PATJ: variants seen among roughly 807,000 people sequenced by gnomAD.
PATJ encodes the protein PATJ crumbs cell polarity complex component.
A neutral mutation model predicts 224.9 loss-of-function variants in PATJ; 190 were observed. The ratio of observed to expected loss-of-function variants is 0.84; its 90% CI spans 0.75 to 0.95. PATJ has a LOEUF of 0.95. Among genes scored for constraint, PATJ ranks in the 40% least tolerant of loss-of-function variants. The probability of loss-of-function intolerance (pLI) is 0.00; values close to 1 mark genes in which losing one functional copy is unlikely to be tolerated. For missense variants in PATJ, 2,121 were observed against 2,270.3 expected, an observed-to-expected ratio of 0.93 and a Z score of 1.34; for synonymous variants, 769 against 820.3, an observed-to-expected ratio of 0.94 and a Z score of 1.07.
At chr1:61,944,214 A>G (rs1009208421) in intron 27 of PATJ, among the ~76,000 whole-genome samples, 1 of 152,206 alleles carries the variant, frequency 6.6e-6, no homozygotes, top group Non-Finnish European at 1.5e-5. Flanking sequence ...AAAGCTGGAC[A>G]GAGAATGACT....
chr1:61,959,865 A>T (rs148736123), intron 27 of PATJ, among the ~76,000 whole-genome samples: 1 of 151,968 alleles, frequency 6.6e-6, no homozygotes, highest in Admixed American at 6.6e-5. Flanking sequence ...TCTACAAAAA[A>T]CTTAAAAATT....
intron 17 of PATJ, among the ~76,000 whole-genome samples, chr1:61,834,235 G>A (rs534202834): frequency 3.3e-5 from 5 of 152,200 alleles, no homozygotes; most frequent in South Asian, 4.1e-4. Context: ...ATTAGCATTC[G>A]TTCCCAATTC....
intron 18 of PATJ, among the ~76,000 whole-genome samples, chr1:61,860,064 C>A (rs1415905462): frequency 6.6e-6 from 1 of 152,058 alleles, no homozygotes; most frequent in Non-Finnish European, 1.5e-5. Context: ...TGTATTAAGT[C>A]TTGTATTTAT....
intron 33 of PATJ, among the ~76,000 whole-genome samples, chr1:62,096,956 C>T (rs1398862042): frequency 1.3e-5 from 2 of 152,132 alleles, no homozygotes; most frequent in African/African-American, 4.8e-5. Flanking sequence ...CCCCTTCAAA[C>T]TTAGTATCTA....
intron 29 of PATJ, among the ~76,000 whole-genome samples, chr1:62,033,275 T>C (rs1649673440): frequency 6.6e-6 from 1 of 152,206 alleles, no homozygotes. Context: ...CAAAGCTATG[T>C]AGTTGAGTTT....
rs1415926794 is a variant in PATJ at position 61,766,286 on chromosome 1, A to G, written c.197A>G (p.His66Arg). ...TTTTTTTCTCTCCAACAGCTCAACCATATACCCTCAGATTGTTCAGCCAAC... is the reference window on the plus strand; with the variant it reads ...TTTTTTTCTCTCCAACAGCTCAACCGTATACCCTCAGATTGTTCAGCCAAC... ...SIKQLKGQLN[H>R]IPSDCSANFD... Residue 66 changes from histidine to arginine, a missense_variant, in exon 4 of 44, where the codon CAT becomes CGT. His to Arg is a conservative substitution (Grantham distance 29). Coordinates refer to ENST00000642238, the MANE Select transcript of PATJ (RefSeq NM_001350145.3). 3 of 1,602,942 alleles carry G rather than the reference A, an allele frequency of 1.9e-6. No homozygotes were observed. The highest frequency in any genetic ancestry group is 2.6e-6 in the Non-Finnish European group (3 of 1,174,894).
chr1:61,824,509 T>C (rs1657887267), intron 15 of PATJ, among the ~76,000 whole-genome samples: 1 of 150,778 alleles, frequency 6.6e-6, no homozygotes, highest in Non-Finnish European at 1.5e-5. Context: ...TACTGCAGCG[T>C]CAAACTCCTG....
intron 30 of PATJ, among the ~76,000 whole-genome samples, chr1:62,049,235 G>A (rs1653122017): frequency 8.4e-6 from 1 of 118,556 alleles, no homozygotes; most frequent in Non-Finnish European, 1.7e-5. Flanking sequence ...CTCCCCAGAA[G>A]TAAGCAATCA....
At chr1:61,889,511 A>G (rs1298019570) in intron 22 of PATJ, among the ~76,000 whole-genome samples, 2 of 152,166 alleles carry the variant, frequency 1.3e-5, no homozygotes, top group African/African-American at 4.8e-5. Flanking sequence ...CCCTATATAT[A>G]CTGTCTTTTC....
chr1:61,961,309 A>G (rs1358871638), intron 27 of PATJ, among the ~76,000 whole-genome samples: 1 of 152,172 alleles, frequency 6.6e-6, no homozygotes, highest in Non-Finnish European at 1.5e-5. Context: ...ATCATGGTTG[A>G]CTGTGTTACT....
chr1:61,763,251 GAGATAGACAA>G (rs934117498), intron 3 of PATJ, 72 bp downstream of exon 3: 15 of 918,576 alleles, frequency 1.6e-5, no homozygotes, highest in Non-Finnish European at 2.1e-5. Flanking sequence ...AAAGATAGAG[GAGATAGACAA>G]AGACAAATTA....
chr1:61,920,741 T>C (rs951190212), intron 26 of PATJ, among the ~76,000 whole-genome samples: 2 of 134,996 alleles, frequency 1.5e-5, no homozygotes, highest in African/African-American at 5.5e-5. Flanking sequence ...AGAGTCTCGC[T>C]CTGTTGCCCA....
chr1:61,746,560 G>T (rs1645036959), intron 1 of PATJ, among the ~76,000 whole-genome samples: 1 of 152,168 alleles, frequency 6.6e-6, no homozygotes, highest in Admixed American at 6.5e-5. Context: ...AGAGTTATGG[G>T]AGTTATAAAC....
chr1:62,075,778 C>A (rs1418023654), intron 31 of PATJ, among the ~76,000 whole-genome samples: 1 of 151,848 alleles, frequency 6.6e-6, no homozygotes, highest in Non-Finnish European at 1.5e-5. Flanking sequence ...ATTAGCCAGG[C>A]GTGGTGGTGG....
At chr1:61,779,207 G>T (rs1647107442) in intron 7 of PATJ, among the ~76,000 whole-genome samples, 1 of 152,242 alleles carries the variant, frequency 6.6e-6, no homozygotes, top group South Asian at 2.1e-4. Context: ...CTTTAAAAAA[G>T]ATATTATTTT....
At chr1:62,123,162 T>C in intron 39 of PATJ, 104 bp downstream of exon 39, 2 of 779,882 alleles carry the variant, frequency 2.6e-6, no homozygotes, top group Non-Finnish European at 4.3e-6. Context: ...GTGTGCTCTT[T>C]CAAGTTACTG....
chr1:62,010,695 T>C (rs1410236385), intron 28 of PATJ, among the ~76,000 whole-genome samples: 2 of 152,200 alleles, frequency 1.3e-5, no homozygotes, highest in Non-Finnish European at 2.9e-5. Flanking sequence ...GATGAGCACT[T>C]AGGTTGATTC....
At chr1:61,774,734 C>T (rs960027155) in intron 6 of PATJ, among the ~76,000 whole-genome samples, 4 of 152,200 alleles carry the variant, frequency 2.6e-5, no homozygotes, top group African/African-American at 9.7e-5. Flanking sequence ...CTTTGTAGTG[C>T]AACTTAAATG....
chr1:61,906,102 T>G (rs1287946509), intron 24 of PATJ, among the ~76,000 whole-genome samples: 1 of 152,092 alleles, frequency 6.6e-6, no homozygotes, highest in Non-Finnish European at 1.5e-5. Flanking sequence ...TTTTGTTAAT[T>G]TACTAGGGCA....
Sources: allele counts gnomAD v4.1 joint callset (sites outside exome capture counted in the v4.1 genomes callset), GRCh38; gene constraint gnomAD v4.1.1; transcripts MANE v1.5; gene names NCBI Gene and HGNC (gene_info 2026-07-23, HGNC 2026-07-21).